VWA8: variants seen among roughly 807,000 people sequenced by gnomAD.
VWA8 encodes von Willebrand factor A domain containing 8, also known as von Willebrand factor A domain-containing protein 8.
VWA8 carries 221 observed loss-of-function variants against 241.5 expected under a neutral mutation model. That is an observed-to-expected ratio of 0.91 (90% CI 0.82 to 1.02). The LOEUF is 1.02. Ranked by LOEUF, VWA8 falls within the 50% of genes least tolerant of loss-of-function variation. The pLI is 0.00. For missense variants in VWA8, 2,322 were observed against 2,328.7 expected (o/e 1.00, Z 0.06); for synonymous variants, 852 against 827.1 (o/e 1.03, Z -0.52).
At chr13:41,606,503 T>C (rs2044554621) in intron 39 of VWA8, among the ~76,000 whole-genome samples, 1 of 152,154 alleles carries the variant, frequency 6.6e-6, no homozygotes, top group Admixed American at 6.6e-5. Flanking sequence ...TAAGTGCATA[T>C]CTCAAAAGCC....
At chr13:41,927,590 A>G (rs1015378429) in intron 2 of VWA8, among the ~76,000 whole-genome samples, 3 of 152,190 alleles carry the variant, frequency 2.0e-5, no homozygotes, top group Non-Finnish European at 2.9e-5. Flanking sequence ...TCATACCTGC[A>G]AAACAAAAAA....
chr13:41,656,910 G>C (rs916533604), intron 37 of VWA8, among the ~76,000 whole-genome samples: 1 of 152,088 alleles, frequency 6.6e-6, no homozygotes, highest in Non-Finnish European at 1.5e-5. Context: ...ATTTCTTCTG[G>C]GGTGCTCCCC....
At chr13:41,701,575 CA>C in intron 27 of VWA8, 45 bp from the exon 28 acceptor site, 2 of 1,477,966 alleles carry the variant, frequency 1.4e-6, no homozygotes, top group Admixed American at 2.5e-5. Context: ...TGGTTGTCAC[CA>C]AAATGTAGAA....
intron 43 of VWA8, among the ~76,000 whole-genome samples, chr13:41,571,630 G>A (rs925104164): frequency 5.9e-5 from 9 of 152,186 alleles, no homozygotes; most frequent in Non-Finnish European, 8.8e-5. Context: ...GATTGCAGAC[G>A]GAGTCTCGCT....
chr13:41,801,120 ATTAT>A (rs1474261462), intron 17 of VWA8, among the ~76,000 whole-genome samples: 2 of 151,608 alleles, frequency 1.3e-5, no homozygotes, highest in South Asian at 2.1e-4. Flanking sequence ...ATCAACTCTT[ATTAT>A]TTATTTTTAG....
chr13:41,896,513 T>G (rs899893000), intron 4 of VWA8, among the ~76,000 whole-genome samples: 9 of 152,014 alleles, frequency 5.9e-5, no homozygotes, highest in Non-Finnish European at 2.9e-5. Context: ...GCAAAAAATA[T>G]CTCAAACTAA....
chr13:41,704,812 T>A (rs1016686522), intron 26 of VWA8, among the ~76,000 whole-genome samples: 11 of 152,128 alleles, frequency 7.2e-5, no homozygotes, highest in African/African-American at 2.7e-4. Flanking sequence ...ATAGGAACCA[T>A]TGATTTGTCA....
intron 44 of VWA8, 47 bp from the exon 45 acceptor site, chr13:41,568,352 C>A (rs1441965457): frequency 6.6e-7 from 1 of 1,518,614 alleles, no homozygotes; most frequent in Non-Finnish European, 9.1e-7. Flanking sequence ...AAATGGGGCT[C>A]CCTTCCACCT....
chr13:41,573,479 AAAAAAAAAT>A (rs2044324855), intron 43 of VWA8, among the ~76,000 whole-genome samples: 2 of 120,274 alleles, frequency 1.7e-5, no homozygotes, highest in African/African-American at 7.6e-5. Context: ...TAGTTTAAAA[AAAAAAAAAT>A]ATATATATAT....
intron 21 of VWA8, among the ~76,000 whole-genome samples, chr13:41,739,857 GTT>G (rs368778376): frequency 1.2e-4 from 8 of 64,492 alleles, no homozygotes; most frequent in Non-Finnish European, 2.2e-4. Context: ...TGTTTTTTTT[GTT>G]TTTTTTTTTT....
intron 23 of VWA8, 112 bp from the exon 24 acceptor site, chr13:41,727,425 C>A (rs1239408263): frequency 9.5e-6 from 9 of 950,356 alleles, no homozygotes; most frequent in Non-Finnish European, 1.3e-5. Flanking sequence ...GTAAAAAGCT[C>A]TAAGATATTT....
At chr13:41,813,243 A>C (rs1383525049) in intron 16 of VWA8, among the ~76,000 whole-genome samples, 1 of 152,178 alleles carries the variant, frequency 6.6e-6, no homozygotes, top group Non-Finnish European at 1.5e-5. Flanking sequence ...AAGTGGATGA[A>C]GGACAGAGAG....
chr13:41,607,419 T>G (rs1279727792), intron 39 of VWA8, among the ~76,000 whole-genome samples: 1 of 152,204 alleles, frequency 6.6e-6, no homozygotes, highest in African/African-American at 2.4e-5. Context: ...CCTCTTGTAT[T>G]TAGTTTCTGG....
intron 14 of VWA8, among the ~76,000 whole-genome samples, chr13:41,819,807 C>A (rs970210215): frequency 2.6e-5 from 4 of 152,000 alleles, no homozygotes; most frequent in African/African-American, 9.7e-5. Context: ...TCAAAAAGAC[C>A]AAGAGGCACA....
intron 12 of VWA8, among the ~76,000 whole-genome samples, chr13:41,851,181 C>T (rs1040612338): frequency 6.6e-6 from 1 of 152,058 alleles, no homozygotes; most frequent in African/African-American, 2.4e-5. Flanking sequence ...TTTTCCCATT[C>T]CCCAGTTCCT....
At chr13:41,835,912 A>C (rs1230474051) in intron 12 of VWA8, among the ~76,000 whole-genome samples, 1 of 152,172 alleles carries the variant, frequency 6.6e-6, no homozygotes, top group Non-Finnish European at 1.5e-5. Context: ...AAGAAACAGA[A>C]AACACAGTTT....
At chr13:41,758,739 T>C (rs2045718142) in intron 21 of VWA8, among the ~76,000 whole-genome samples, 1 of 151,142 alleles carries the variant, frequency 6.6e-6, no homozygotes, top group East Asian at 1.9e-4. Flanking sequence ...AATATTCTTG[T>C]CTTTTCTCCT....
At chr13:41,954,362 T>C (rs1341533206) in intron 1 of VWA8, among the ~76,000 whole-genome samples, 1 of 152,174 alleles carries the variant, frequency 6.6e-6, no homozygotes, top group Non-Finnish European at 1.5e-5. Context: ...AATTCTATAT[T>C]GTCCATTGTG....
chr13:41,573,484 AAAATATAT>A (rs2044325651), intron 43 of VWA8, among the ~76,000 whole-genome samples: 1 of 117,028 alleles, frequency 8.5e-6, no homozygotes, highest in East Asian at 2.5e-4. Context: ...TAAAAAAAAA[AAAATATAT>A]ATATATATAT....
Sources: allele counts gnomAD v4.1 joint callset (sites outside exome capture counted in the v4.1 genomes callset), GRCh38; gene constraint gnomAD v4.1.1; transcripts MANE v1.5; gene names NCBI Gene and HGNC (gene_info 2026-07-23, HGNC 2026-07-21).